The following POLD3 variants were observed in gnomAD, a reference collection of about 807,000 sequenced individuals.
POLD3 encodes DNA polymerase delta 3, accessory subunit, also known as DNA polymerase delta subunit 3.
Under a neutral mutation model 58.2 loss-of-function variants are expected in POLD3, and 19 were observed. The observed-to-expected ratio is 0.33, with a 90% CI of 0.23 to 0.48. POLD3 has a LOEUF of 0.48. Ranked by LOEUF, POLD3 falls within the 20% of genes least tolerant of loss-of-function variation. The pLI is 0.99. For missense variants in POLD3, 504 were observed against 545.5 expected, an observed-to-expected ratio of 0.92 and a Z score of 0.76; for synonymous variants, 172 against 193.5, an observed-to-expected ratio of 0.89 and a Z score of 0.92.
chr11:74,593,818 A>G (rs1040640579), intron 1 of POLD3, among the ~76,000 whole-genome samples: 1 of 152,200 alleles, frequency 6.6e-6, no homozygotes, highest in Non-Finnish European at 1.5e-5. Context: ...TCTGTTAGGT[A>G]TGTTCAGCTT....
intron 5 of POLD3, 115 bp downstream of exon 5, chr11:74,613,125 G>T: frequency 1.1e-6 from 1 of 916,888 alleles, no homozygotes; most frequent in Non-Finnish European, 1.7e-6. Flanking sequence ...CATTTATCTT[G>T]CAGTAAGAAA....
intron 4 of POLD3, 144 bp from the exon 5 acceptor site, chr11:74,612,734 A>C (rs1206788133): frequency 1.9e-5 from 11 of 591,944 alleles, no homozygotes; most frequent in Admixed American, 3.4e-5. Context: ...TTGATGTTTC[A>C]CTGTATATGT....
intron 2 of POLD3, among the ~76,000 whole-genome samples, chr11:74,602,828 C>T (rs1287936670): frequency 6.6e-6 from 1 of 152,218 alleles, no homozygotes; most frequent in African/African-American, 2.4e-5. Flanking sequence ...CCTTTCTGTT[C>T]CTTGGATCTT....
chr11:74,605,309 G>A (rs1454435019), intron 3 of POLD3, among the ~76,000 whole-genome samples: 1 of 152,102 alleles, frequency 6.6e-6, no homozygotes, highest in Non-Finnish European at 1.5e-5. Flanking sequence ...GTCCCACCTG[G>A]TATCTGGTCA....
At chr11:74,665,465 A>G (rs2033257069) in intron 4 of POLD3, among the ~76,000 whole-genome samples, 1 of 132,464 alleles carries the variant, frequency 7.5e-6, no homozygotes, top group Non-Finnish European at 1.5e-5. Context: ...CAGTGGCACG[A>G]TGTCGACTCA....
At chr11:74,596,684 A>G (rs1347135944) in intron 2 of POLD3, among the ~76,000 whole-genome samples, 1 of 152,136 alleles carries the variant, frequency 6.6e-6, no homozygotes, top group Non-Finnish European at 1.5e-5. Context: ...TGTAGTCACC[A>G]TGCTATACAG....
intron 2 of POLD3, among the ~76,000 whole-genome samples, chr11:74,603,030 T>C (rs1474949524): frequency 6.6e-6 from 1 of 152,232 alleles, no homozygotes; most frequent in Non-Finnish European, 1.5e-5. Flanking sequence ...CTTAACTTTG[T>C]TTCCATAGAC....
chr11:74,648,133 T>G (rs145954644), intron 4 of POLD3, among the ~76,000 whole-genome samples: 147 of 152,352 alleles, frequency 9.6e-4, no homozygotes, highest in Non-Finnish European at 1.3e-3. Context: ...TCAACTTCCC[T>G]TTGGGTGGAT....
At chr11:74,630,894 A>G (rs556705481) in intron 9 of POLD3, among the ~76,000 whole-genome samples, 7 of 152,212 alleles carry the variant, frequency 4.6e-5, no homozygotes, top group Non-Finnish European at 8.8e-5. Flanking sequence ...TCTGTAGCCT[A>G]CAAAAATAAT....
chr11:74,654,583 C>T (rs1186674836), intron 4 of POLD3, among the ~76,000 whole-genome samples: 1 of 152,158 alleles, frequency 6.6e-6, no homozygotes, highest in East Asian at 1.9e-4. Context: ...AGCATTTATT[C>T]GTGAAAAACT....
chr11:74,624,041 A>G (rs567414561), intron 7 of POLD3, among the ~76,000 whole-genome samples: 34 of 152,314 alleles, frequency 2.2e-4, no homozygotes, highest in African/African-American at 7.2e-4. Flanking sequence ...TCCTTAATCC[A>G]TAGGTAGGTA....
intron 4 of POLD3, among the ~76,000 whole-genome samples, chr11:74,648,373 G>T (rs1040685516): frequency 1.3e-5 from 2 of 152,160 alleles, no homozygotes; most frequent in Admixed American, 6.5e-5. Flanking sequence ...TTTCTGACTT[G>T]AAGTCTATAT....
intron 5 of POLD3, among the ~76,000 whole-genome samples, chr11:74,615,618 A>G (rs1197046325): frequency 6.6e-6 from 1 of 152,192 alleles, no homozygotes; most frequent in Non-Finnish European, 1.5e-5. Flanking sequence ...AGGGATTGAG[A>G]CGGGAAGGAT....
At chr11:74,655,939 A>G (rs2033128140) in intron 4 of POLD3, among the ~76,000 whole-genome samples, 1 of 152,224 alleles carries the variant, frequency 6.6e-6, no homozygotes, top group Non-Finnish European at 1.5e-5. Flanking sequence ...CAAGCAAGTA[A>G]TCTACAAAAC....
chr11:74,667,029 A>G (rs1043545304), intron 4 of POLD3, among the ~76,000 whole-genome samples: 4 of 152,056 alleles, frequency 2.6e-5, no homozygotes, highest in Non-Finnish European at 4.4e-5. Context: ...CTTTCCAACA[A>G]ATGATACTGG....
chr11:74,620,485 C>T (rs950587077), intron 7 of POLD3, among the ~76,000 whole-genome samples: 8 of 152,120 alleles, frequency 5.3e-5, no homozygotes, highest in Non-Finnish European at 1.0e-4. Flanking sequence ...TTTCTTCTAT[C>T]TCTCAAGGGT....
At position 74,648,470 on chromosome 11, in the gene POLD3, G is replaced by A. The variant is rs145878705; in HGVS notation, c.369+12195G>A. 5.3e-5 allele frequency among the ~76,000 whole-genome samples: 8 copies of A among 152,324 alleles called. No homozygotes were observed. In the East Asian group the frequency reaches 1.2e-3, roughly 22 times the overall value. ...GTGTGGTCCCAAGAAAGGGTTGCCT[G>A]TGACTGCCTGAGGGATTAAGGGAAG... On this transcript the variant is annotated intron_variant, in intron 4 of 4. Coordinates refer to the POLD3 transcript ENST00000524752.
chr11:74,617,251 C>A (rs1462282975), intron 5 of POLD3, among the ~76,000 whole-genome samples: 1 of 152,126 alleles, frequency 6.6e-6, no homozygotes. Flanking sequence ...CTTTAATATG[C>A]CACACAAGCT....
chr11:74,649,518 T>C (rs2033041062), intron 4 of POLD3, among the ~76,000 whole-genome samples: 3 of 152,188 alleles, frequency 2.0e-5, no homozygotes, highest in Non-Finnish European at 1.5e-5. Flanking sequence ...TACTTAGAAA[T>C]GTACCAATGA....
Sources: allele counts gnomAD v4.1 joint callset (sites outside exome capture counted in the v4.1 genomes callset), GRCh38; gene constraint gnomAD v4.1.1; transcripts MANE v1.5; gene names NCBI Gene and HGNC (gene_info 2026-07-23, HGNC 2026-07-21).